Variants in RBFOX1 observed in about 807,000 individuals in gnomAD.
RBFOX1 encodes RNA binding fox-1 homolog 1.
RBFOX1 carries 8 observed loss-of-function variants against 57.7 expected under a neutral mutation model. The observed-to-expected ratio is 0.14, with a 90% CI of 0.08 to 0.25. The LOEUF (loss-of-function observed/expected upper bound fraction) is 0.25. Ranked by LOEUF, RBFOX1 falls within the 10% of genes least tolerant of loss-of-function variation. The probability of loss-of-function intolerance (pLI) is 1.00; values close to 1 mark genes in which losing one functional copy is unlikely to be tolerated. For synonymous variants in RBFOX1, 326 were observed against 222.4 expected, an observed-to-expected ratio of 1.47 and a Z score of -4.15; for missense variants, 611 against 548.5, an observed-to-expected ratio of 1.11 and a Z score of -1.14.
intron 3 of RBFOX1, among the ~76,000 whole-genome samples, chr16:6,681,725 C>T (rs764245316): frequency 9.3e-5 from 14 of 151,192 alleles, no homozygotes; most frequent in African/African-American, 2.2e-4. Context: ...ACTTATCTGA[C>T]GATATTGATA....
chr16:6,123,568 A>G (rs150848326), intron 1 of RBFOX1, among the ~76,000 whole-genome samples: 102 of 152,302 alleles, frequency 6.7e-4, no homozygotes, highest in African/African-American at 2.4e-3. Context: ...AAAATTATGG[A>G]AAAGGGTAGC....
chr16:7,710,006 C>T, intron 15 of RBFOX1: 1 of 1,007,272 alleles, frequency 9.9e-7, no homozygotes, highest in Non-Finnish European at 1.2e-6. Context: ...CGTTAAGTGC[C>T]ACCTTGTAGC....
chr16:5,936,934 G>C (rs1424132), intron 4 of RBFOX1, among the ~76,000 whole-genome samples: 91,858 of 151,872 alleles, frequency 0.6, 27,952 homozygotes, highest in Middle Eastern at 0.74. Flanking sequence ...GGACTGTAGA[G>C]CACTGCATAC....
intron 4 of RBFOX1, among the ~76,000 whole-genome samples, chr16:7,490,435 C>A (rs1483423164): frequency 6.6e-6 from 1 of 152,170 alleles, no homozygotes; most frequent in African/African-American, 2.4e-5. Context: ...ATTCTAGTTT[C>A]ACTGTTTATA....
intron 3 of RBFOX1, among the ~76,000 whole-genome samples, chr16:6,824,848 C>G (rs959738679): frequency 1.3e-5 from 2 of 151,814 alleles, no homozygotes; most frequent in African/African-American, 2.4e-5. Flanking sequence ...TGGAAAGAAA[C>G]ACTATTAACA....
intron 2 of RBFOX1, among the ~76,000 whole-genome samples, chr16:6,627,023 G>A (rs569975958): frequency 5.1e-4 from 78 of 152,178 alleles, no homozygotes; most frequent in Non-Finnish European, 9.0e-4. Context: ...CTATGTTGCC[G>A]AAGGCTACCC....
At chr16:5,572,164 A>G (rs553509998) in intron 2 of RBFOX1, among the ~76,000 whole-genome samples, 2 of 152,320 alleles carry the variant, frequency 1.3e-5, no homozygotes, top group South Asian at 2.1e-4. Flanking sequence ...CCGTGGAGCC[A>G]TAGAAGCCCT....
At chr16:5,948,161 T>C (rs1372852711) in intron 4 of RBFOX1, among the ~76,000 whole-genome samples, 1 of 152,136 alleles carries the variant, frequency 6.6e-6, no homozygotes, top group East Asian at 1.9e-4. Context: ...ATGCTATATA[T>C]AGTAGCCTCT....
At chr16:6,490,272 C>G (rs1291102385) in intron 2 of RBFOX1, among the ~76,000 whole-genome samples, 1 of 152,170 alleles carries the variant, frequency 6.6e-6, no homozygotes, top group African/African-American at 2.4e-5. Flanking sequence ...TGCAAGTACG[C>G]AATTAAATAC....
At chr16:6,606,695 T>C (rs2097934651) in intron 2 of RBFOX1, among the ~76,000 whole-genome samples, 1 of 152,164 alleles carries the variant, frequency 6.6e-6, no homozygotes, top group Non-Finnish European at 1.5e-5. Context: ...TCTCATTCCT[T>C]TTTATGGCCG....
At chr16:6,098,715 A>T (rs2096272618) in intron 1 of RBFOX1, among the ~76,000 whole-genome samples, 1 of 152,210 alleles carries the variant, frequency 6.6e-6, no homozygotes, top group Admixed American at 6.5e-5. Flanking sequence ...ACGGGTACAG[A>T]TGTCCAGACA....
chr16:6,369,858 ACACTGGTATAGTC>A (rs775402160), intron 2 of RBFOX1, among the ~76,000 whole-genome samples: 1 of 152,210 alleles, frequency 6.6e-6, no homozygotes, highest in Non-Finnish European at 1.5e-5. Context: ...GAAATTTAAC[ACACTGGTATAGTC>A]CTCTGGTCTC....
At chr16:6,929,804 A>C (rs929827636) in intron 3 of RBFOX1, among the ~76,000 whole-genome samples, 1 of 152,184 alleles carries the variant, frequency 6.6e-6, no homozygotes, top group South Asian at 2.1e-4. Flanking sequence ...TATTCAAAGA[A>C]GTTGCTCATG....
At chr16:6,031,058 G>A (rs1056755384) in intron 1 of RBFOX1, among the ~76,000 whole-genome samples, 2 of 152,124 alleles carry the variant, frequency 1.3e-5, no homozygotes, top group Non-Finnish European at 2.9e-5. Flanking sequence ...GTATTAAAAC[G>A]GCAACAGAAT....
chr16:6,080,920 A>G (rs1383265160), intron 1 of RBFOX1, among the ~76,000 whole-genome samples: 1 of 152,190 alleles, frequency 6.6e-6, no homozygotes, highest in Admixed American at 6.5e-5. Context: ...AATCAAAGAC[A>G]TAGTCTGCAT....
At chr16:5,606,220 A>G (rs1007155778) in intron 3 of RBFOX1, among the ~76,000 whole-genome samples, 5 of 152,036 alleles carry the variant, frequency 3.3e-5, no homozygotes, top group Admixed American at 2.0e-4. Context: ...TGGCTTCTCC[A>G]ACCTTATCTG....
chr16:5,562,799 G>A (rs1344111306), intron 2 of RBFOX1, among the ~76,000 whole-genome samples: 2 of 152,020 alleles, frequency 1.3e-5, no homozygotes, highest in Non-Finnish European at 2.9e-5. Flanking sequence ...ATTTTCTGAT[G>A]AGCCCTTTGG....
At position 7,548,425 on chromosome 16, in the gene RBFOX1, G is replaced by C. The variant is rs190385499; in HGVS notation, c.270+30036G>C. On this transcript the variant is annotated intron_variant, in intron 5 of 15. Transcript: ENST00000550418. ...ACCGGCTGCGCCACCCAAAGTGCTG[G>C]GATTACAGGTATGAGCCACTGCGCC... Among the ~76,000 whole-genome samples the C allele has an allele frequency of 3.7e-4, 57 of 152,278 alleles. 2 individuals carry two copies. Among genetic ancestry groups the C allele is most frequent in the African/African-American group, 9.6e-4 (40 of 41,548 alleles).
chr16:5,701,368 T>G (rs11076950), intron 3 of RBFOX1, among the ~76,000 whole-genome samples: 86,639 of 152,154 alleles, frequency 0.57, 27,174 homozygotes, highest in Non-Finnish European at 0.72. Context: ...AAGGGACTTC[T>G]TGGGAGAATA....
Sources: gnomAD v4.1 joint callset for allele counts (sites outside exome capture counted in the v4.1 genomes callset) on GRCh38, gnomAD v4.1.1 for gene constraint, MANE v1.5 for transcripts, NCBI Gene and HGNC (gene_info 2026-07-23, HGNC 2026-07-21) for gene names.